DDX60L: variants seen among roughly 807,000 people sequenced by gnomAD.
The protein encoded by DDX60L is DExD/H-box 60 like.
A neutral mutation model predicts 211.6 loss-of-function variants in DDX60L; 191 were observed. The observed-to-expected ratio is 0.90, with a 90% CI of 0.80 to 1.02. The LOEUF (loss-of-function observed/expected upper bound fraction) is 1.02. DDX60L is among the 50% of genes least tolerant of loss of function. The probability of loss-of-function intolerance (pLI) is 0.00; values close to 1 mark genes in which losing one functional copy is unlikely to be tolerated. For missense variants in DDX60L, 2,007 were observed against 1,984.1 expected (o/e 1.01, Z -0.22); for synonymous variants, 706 against 694.1 (o/e 1.02, Z -0.27).
chr4:168,419,501 C>A, intron 18 of DDX60L, 104 bp from the exon 19 acceptor site: 1 of 658,306 alleles, frequency 1.5e-6, no homozygotes. Context: ...ATAGCAGTTT[C>A]ATTAAGATAA....
At chr4:168,467,454 AAAAAAAAT>A (rs982186529) in intron 4 of DDX60L, among the ~76,000 whole-genome samples, 12 of 151,514 alleles carry the variant, frequency 7.9e-5, no homozygotes, top group Non-Finnish European at 1.5e-4. Flanking sequence ...CCAAAAAAAA[AAAAAAAAT>A]GAAAGAAGGA....
At chr4:168,447,994 A>G (rs1471459504) in intron 9 of DDX60L, among the ~76,000 whole-genome samples, 3 of 151,850 alleles carry the variant, frequency 2.0e-5, no homozygotes, top group East Asian at 1.9e-4. Context: ...TAACCTGCAC[A>G]ATGTGCACAT....
In DDX60L at chr4:168,383,899, G is replaced by A. The variant is rs553230220; in HGVS notation, c.4116+713C>T. Among the ~76,000 whole-genome samples, 4 of 152,302 alleles carry A rather than the reference G, an allele frequency of 2.6e-5. No homozygotes were observed. In the South Asian group the frequency reaches 6.2e-4, roughly 24 times the overall value. ...GTGTGTCTTTGAGCGTGTTGCCAAA[G>A]GAGATTAACATTTGACTCAGTGGGC... On this transcript the variant is annotated intron_variant, in intron 30 of 37. Transcript: ENST00000682922.
intron 15 of DDX60L, among the ~76,000 whole-genome samples, chr4:168,422,949 G>A (rs1750871467): frequency 1.4e-5 from 2 of 140,992 alleles, no homozygotes; most frequent in African/African-American, 2.8e-5. Context: ...ACAGGCACAT[G>A]CTATCAATTG....
Position 168,375,354 on chromosome 4 carries a change from G to T in DDX60L, c.4633+23C>A, listed in dbSNP as rs754361938. The T allele has an allele frequency of 6.9e-6, 11 of 1,605,164 alleles. No homozygotes were observed. The Admixed American group carries it at 1.7e-4, about 25-fold the overall frequency. On this transcript the variant is annotated intron_variant, in intron 34 of 37. Coordinates refer to ENST00000682922, the MANE Select transcript of DDX60L (RefSeq NM_001012967.3). Reference sequence around the variant, plus strand: ...ATTGTTTACTCTTTAAATTGTTCCGGAATGGAACTAAAATCTGCTTACTGA... The same window carrying T: ...ATTGTTTACTCTTTAAATTGTTCCGTAATGGAACTAAAATCTGCTTACTGA...
chr4:168,451,205 T>G (rs757973718), intron 8 of DDX60L, among the ~76,000 whole-genome samples: 1 of 152,232 alleles, frequency 6.6e-6, no homozygotes, highest in Admixed American at 6.5e-5. Context: ...CCTCTCATTT[T>G]ACCTAGAAAA....
In DDX60L at chr4:168,415,686, T is replaced by C; in HGVS notation, c.2840A>G (p.Tyr947Cys). 1.9e-6 allele frequency: 3 copies of C among 1,597,216 alleles called. No homozygotes were observed. The highest frequency in any genetic ancestry group is 2.6e-6 in the Non-Finnish European group (3 of 1,171,528). Reference protein sequence around the residue: ...KCLNFLQDHSYKNQSYEVRLV... With the variant: ...KCLNFLQDHSCKNQSYEVRLV... ...TCTAACTTCATATGATTGATTTTTA[T>C]ATGAATGGTCTTGGAGAAAGTTGAG... is the stretch of plus-strand genomic sequence containing the variant. Residue 947 changes from tyrosine (Y) to cysteine (C), a missense_variant, in exon 21 of 38, where the codon TAT (tyrosine) becomes TGT (cysteine). Tyr to Cys is a radical substitution (Grantham distance 194). Transcript: ENST00000682922.
At position 168,462,026 on chromosome 4, in the gene DDX60L, T is replaced by C. The variant is rs1025110579; in HGVS notation, c.279A>G (p.Ala93=). ...AAAGAAGTTCAGGAAAATCAAAATA[T>C]GCATATTCAGCATCCTGTGGTGAGA... The part of the protein sequence containing the change: ...TIVFFKDAEY[A]YFDFPELLSL... The change falls in exon 5 of 38, where the codon GCA becomes GCG. Residue 93 remains alanine (A), a synonymous_variant. Transcript: ENST00000682922. 4 of 1,603,606 alleles carry C rather than the reference T, an allele frequency of 2.5e-6. No individual in the cohort carries two copies. The Middle Eastern group carries it at 5.0e-4, about 199-fold the overall frequency.
In DDX60L at chr4:168,406,065, T is replaced by C. The variant is rs1185172301; in HGVS notation, c.3098A>G (p.Glu1033Gly). 1 of 1,595,948 alleles carries C rather than the reference T, an allele frequency of 6.3e-7. No homozygotes were observed. The highest frequency in any genetic ancestry group is 8.5e-7 in the Non-Finnish European group (1 of 1,174,156). The change falls in exon 24 of 38, where the codon GAG becomes GGG. Residue 1033 changes from glutamate (E) to glycine (G), a missense_variant. Glu to Gly is a moderately conservative substitution (Grantham distance 98). Transcript: ENST00000682922. ...TWPRAQELCP[E>G]EFILFKNKIV... ...CTTATTCTTAAAAAGAATGAATTCC[T>C]CTGGACACAATTCCTTGGGGGGAAA...
intron 23 of DDX60L, 141 bp downstream of exon 23, chr4:168,406,461 G>GA: frequency 3.2e-6 from 2 of 633,462 alleles, no homozygotes; most frequent in Non-Finnish European, 5.4e-6. Context: ...CTGAAAATAA[G>GA]AAAAAATAAC....
chr4:168,399,807 C>T (rs1409867475), intron 26 of DDX60L, among the ~76,000 whole-genome samples: 2 of 152,174 alleles, frequency 1.3e-5, no homozygotes, highest in Non-Finnish European at 2.9e-5. Context: ...TGAAGTCCTA[C>T]CCCAAGCATA....
chr4:168,421,450 A>T (rs1440894067), intron 17 of DDX60L, among the ~76,000 whole-genome samples: 3 of 152,130 alleles, frequency 2.0e-5, no homozygotes, highest in Admixed American at 6.6e-5. Context: ...ACCTGAGGTG[A>T]TCAAGACCAG....
Position 168,427,079 on chromosome 4 carries a change from G to T in DDX60L, c.1921C>A (p.Arg641=). The change falls in exon 14 of 38, where the codon CGA becomes AGA. Residue 641 remains arginine, a synonymous_variant. Transcript: ENST00000682922. ...GTATGGAGTCCCATACCTTCACCTCGGCAATGTTTTTTCCATGCTTTAAAG... is the reference window on the plus strand; with the variant it reads ...GTATGGAGTCCCATACCTTCACCTCTGCAATGTTTTTTCCATGCTTTAAAG... ...ACFKAWKKHC[R]GEGKISKDLS... 1 of 1,601,976 alleles carries T rather than the reference G, an allele frequency of 6.2e-7. No individual in the cohort carries two copies. Among genetic ancestry groups the T allele is most frequent in the South Asian group, 1.1e-5 (1 of 89,152 alleles).
chr4:168,446,661 T>C (rs1394134741), intron 9 of DDX60L, among the ~76,000 whole-genome samples: 4 of 151,270 alleles, frequency 2.6e-5, no homozygotes, highest in Non-Finnish European at 4.4e-5. Context: ...CAAAACAGCA[T>C]GGTACTGGTA....
chr4:168,443,526 A>T (rs1727807406), intron 9 of DDX60L, among the ~76,000 whole-genome samples: 1 of 151,980 alleles, frequency 6.6e-6, no homozygotes, highest in African/African-American at 2.4e-5. Flanking sequence ...AATATAGAGA[A>T]CGCCAAAAAG....
chr4:168,368,192 GA>G (rs899079016), intron 36 of DDX60L, among the ~76,000 whole-genome samples: 1 of 152,216 alleles, frequency 6.6e-6, no homozygotes, highest in African/African-American at 2.4e-5. Flanking sequence ...AACCCAGGAG[GA>G]AAAAGTGGTT....
At chr4:168,407,162 T>TA (rs1158592104) in intron 22 of DDX60L, among the ~76,000 whole-genome samples, 2 of 152,146 alleles carry the variant, frequency 1.3e-5, no homozygotes, top group African/African-American at 4.8e-5. Flanking sequence ...CCAAGCCACG[T>TA]AAAAAGGGAC....
At chr4:168,387,060 C>T (rs374564320) in intron 29 of DDX60L, among the ~76,000 whole-genome samples, 1 of 152,128 alleles carries the variant, frequency 6.6e-6, no homozygotes. Context: ...GAATAGAATA[C>T]GGGCAAATCA....
intron 5 of DDX60L, among the ~76,000 whole-genome samples, chr4:168,460,909 A>G (rs1302983524): frequency 6.6e-6 from 1 of 152,178 alleles, no homozygotes; most frequent in African/African-American, 2.4e-5. Context: ...TTTGCTTGCT[A>G]TTACCAGTTT....
Sources: gnomAD v4.1 joint callset for allele counts (sites outside exome capture counted in the v4.1 genomes callset) on GRCh38, gnomAD v4.1.1 for gene constraint, MANE v1.5 for transcripts, NCBI Gene and HGNC (gene_info 2026-07-23, HGNC 2026-07-21) for gene names.